Variants in TIAM2 observed in about 807,000 individuals in gnomAD.
The protein encoded by TIAM2 is TIAM Rac1 associated GEF 2, also known as rho guanine nucleotide exchange factor TIAM2.
A neutral mutation model predicts 152.9 loss-of-function variants in TIAM2; 80 were observed. The ratio of observed to expected loss-of-function variants is 0.52; its 90% confidence interval spans 0.44 to 0.63. The LOEUF (loss-of-function observed/expected upper bound fraction) is 0.63, where lower values mean the gene tolerates loss of function less well. Ranked by LOEUF, TIAM2 falls within the 30% of genes least tolerant of loss-of-function variation. The pLI is 0.00. For missense variants in TIAM2, 1,965 were observed against 2,120.1 expected, an observed-to-expected ratio of 0.93 and a Z score of 1.44; for synonymous variants, 804 against 838.0, an observed-to-expected ratio of 0.96 and a Z score of 0.70.
At chr6:155,243,316 G>A (rs552683554) in intron 16 of TIAM2, among the ~76,000 whole-genome samples, 19 of 152,282 alleles carry the variant, frequency 1.2e-4, no homozygotes, top group South Asian at 1.2e-3. Flanking sequence ...CCCTGAGGCA[G>A]AAGAGGCCAG....
chr6:155,096,819 C>A (rs1326440214), intron 2 of TIAM2, among the ~76,000 whole-genome samples: 1 of 152,196 alleles, frequency 6.6e-6, no homozygotes, highest in African/African-American at 2.4e-5. Context: ...CATGGGAGTG[C>A]AAATACCTCT....
At position 155,063,490 on chromosome 6, in the gene TIAM2, T is replaced by A. The variant is rs116318890; in HGVS notation, c.-208-26799T>A. ...GATAGTTACATGAGTATATACACAT[T>A]TGTAAAAAGTTGGCCAGGCATGGTG... On this transcript the variant is annotated intron_variant, in intron 1 of 26. Coordinates refer to ENST00000682666, the MANE Select transcript of TIAM2 (RefSeq NM_012454.4). 1.9e-3 allele frequency among the ~76,000 whole-genome samples: 283 copies of A among 152,068 alleles called. 1 individual carries two copies. The highest frequency in any genetic ancestry group is 6.5e-3 in the African/African-American group (269 of 41,482).
chr6:155,251,524 TG>T (rs1368836844), intron 22 of TIAM2, among the ~76,000 whole-genome samples: 1 of 152,098 alleles, frequency 6.6e-6, no homozygotes, highest in Non-Finnish European at 1.5e-5. Flanking sequence ...TGACCTCAGG[TG>T]ATCCACCTGC....
At chr6:155,076,785 T>C (rs1777970307) in intron 1 of TIAM2, among the ~76,000 whole-genome samples, 1 of 152,184 alleles carries the variant, frequency 6.6e-6, no homozygotes, top group Admixed American at 6.5e-5. Flanking sequence ...AACCTCCACC[T>C]CCCAGGTTCA....
intron 20 of TIAM2, among the ~76,000 whole-genome samples, chr6:155,248,872 A>G (rs561372972): frequency 0.012 from 1,851 of 152,302 alleles, 31 homozygotes; most frequent in Non-Finnish European, 0.015. Flanking sequence ...ATGGGGAGAG[A>G]GAGGCTTATT....
chr6:155,094,520 A>T (rs1583186605), intron 2 of TIAM2, among the ~76,000 whole-genome samples: 1 of 143,122 alleles, frequency 7.0e-6, no homozygotes, highest in East Asian at 2.0e-4. Context: ...AGACTGCATG[A>T]CTCAGTCAGG....
chr6:155,043,668 G>A (rs1207175722), intron 1 of TIAM2, among the ~76,000 whole-genome samples: 1 of 141,984 alleles, frequency 7.0e-6, no homozygotes, highest in African/African-American at 2.6e-5. Context: ...GGATCTGTAA[G>A]GCAAGGATCC....
chr6:155,152,033 G>A (rs1318885393), intron 7 of TIAM2, among the ~76,000 whole-genome samples: 2 of 151,580 alleles, frequency 1.3e-5, no homozygotes, highest in Admixed American at 6.6e-5. Flanking sequence ...TAATAGAGAC[G>A]GGGTTTCACC....
chr6:155,223,500 T>C (rs902226238), intron 15 of TIAM2, among the ~76,000 whole-genome samples: 2 of 148,516 alleles, frequency 1.3e-5, no homozygotes, highest in African/African-American at 5.0e-5. Flanking sequence ...TTGATGATGG[T>C]GGTTAGACAT....
At chr6:155,048,149 C>T (rs1777244259) in intron 1 of TIAM2, among the ~76,000 whole-genome samples, 1 of 152,150 alleles carries the variant, frequency 6.6e-6, no homozygotes, top group Non-Finnish European at 1.5e-5. Flanking sequence ...CACAGGGTTT[C>T]ACTGTATTGG....
intron 14 of TIAM2, among the ~76,000 whole-genome samples, chr6:155,199,919 G>A (rs1215913486): frequency 1.3e-5 from 2 of 152,210 alleles, no homozygotes; most frequent in East Asian, 1.9e-4. Flanking sequence ...TACTTTCACA[G>A]CTGGGTAAAT....
intron 9 of TIAM2, among the ~76,000 whole-genome samples, chr6:155,175,507 CCT>C (rs1780738805): frequency 6.6e-6 from 1 of 152,174 alleles, no homozygotes; most frequent in African/African-American, 2.4e-5. Context: ...ACATAAGTGA[CCT>C]CTTTTGCTCA....
chr6:155,194,140 G>A (rs1781277716), intron 14 of TIAM2, among the ~76,000 whole-genome samples: 1 of 152,184 alleles, frequency 6.6e-6, no homozygotes, highest in Non-Finnish European at 1.5e-5. Flanking sequence ...CCTAGGGAAT[G>A]AGAAGGTAGA....
chr6:155,254,737 T>G, intron 26 of TIAM2, 164 bp downstream of exon 26: 1 of 793,824 alleles, frequency 1.3e-6, no homozygotes, highest in Non-Finnish European at 1.9e-6. Context: ...CCAGACGTTC[T>G]ACTGTAAAAT....
intron 1 of TIAM2, among the ~76,000 whole-genome samples, chr6:155,083,348 CAAAAAA>C (rs574203207): frequency 1.1e-5 from 1 of 89,934 alleles, no homozygotes. Flanking sequence ...GACTTTATCT[CAAAAAA>C]AAAAAAAAAA....
intron 14 of TIAM2, among the ~76,000 whole-genome samples, chr6:155,191,072 C>T (rs932977409): frequency 5.9e-5 from 9 of 152,150 alleles, no homozygotes; most frequent in Non-Finnish European, 8.8e-5. Context: ...ACACTATCTT[C>T]GCTTTTTCAG....
At chr6:155,083,100 C>T (rs1293260344) in intron 1 of TIAM2, among the ~76,000 whole-genome samples, 1 of 151,980 alleles carries the variant, frequency 6.6e-6, no homozygotes. Flanking sequence ...GTAATCCCAG[C>T]GCTTTGGGAG....
At chr6:155,203,048 CAAAAAAAAAAA>C (rs59836931) in intron 14 of TIAM2, among the ~76,000 whole-genome samples, 1 of 78,920 alleles carries the variant, frequency 1.3e-5, no homozygotes, top group African/African-American at 6.7e-5. Context: ...AACTCTGTCT[CAAAAAAAAAAA>C]AAAAAAAAAA....
chr6:155,053,143 A>G (rs972212956), intron 1 of TIAM2, among the ~76,000 whole-genome samples: 4 of 152,218 alleles, frequency 2.6e-5, no homozygotes, highest in Admixed American at 6.5e-5. Flanking sequence ...CTGAAACATT[A>G]AGGAAATATT....
Sources: gnomAD v4.1 joint callset for allele counts (sites outside exome capture counted in the v4.1 genomes callset) on GRCh38, gnomAD v4.1.1 for gene constraint, MANE v1.5 for transcripts, NCBI Gene and HGNC (gene_info 2026-07-23, HGNC 2026-07-21) for gene names.